The following SCN2A variants were observed in gnomAD, a reference collection of about 807,000 sequenced individuals.
SCN2A encodes sodium channel protein type 2 subunit alpha.
SCN2A carries 20 observed loss-of-function variants against 188.7 expected under a neutral mutation model. The observed-to-expected ratio is 0.11, with a 90% confidence interval of 0.07 to 0.15. SCN2A has a LOEUF of 0.15. SCN2A is among the 10% of genes least tolerant of loss of function. The pLI is 1.00. For missense variants in SCN2A, 1,278 were observed against 2,445.0 expected, an observed-to-expected ratio of 0.52 and a Z score of 10.07; for synonymous variants, 804 against 833.1, an observed-to-expected ratio of 0.97 and a Z score of 0.60.
chr2:165,342,319 A>G lies in SCN2A; in HGVS notation c.2412A>G (p.Ala804=). The change falls in exon 15 of 27, where the codon GCA becomes GCG. Residue 804 remains alanine, a synonymous_variant. Coordinates refer to ENST00000375437, the MANE Select transcript of SCN2A (RefSeq NM_001040142.2). The part of the protein sequence containing the change: ...GNLVFTGIFT[A]EMFLKIIAMD... ...AGGTCTTCACAGGGATCTTCACAGC[A>G]GAAATGTTTCTCAAGATAATTGCCA... is the stretch of plus-strand genomic sequence containing the variant. 1 of 1,613,988 alleles carries G rather than the reference A, an allele frequency of 6.2e-7. No homozygotes were observed. Among genetic ancestry groups the G allele is most frequent in the Non-Finnish European group, 8.5e-7 (1 of 1,179,920 alleles).
chr2:165,292,727 C>G (rs1696284453), intron 1 of SCN2A, among the ~76,000 whole-genome samples: 1 of 152,122 alleles, frequency 6.6e-6, no homozygotes, highest in Admixed American at 6.5e-5. Flanking sequence ...GAGTAATGAT[C>G]ACAGATTTTT....
chr2:165,295,060 G>T (rs1696433174), intron 1 of SCN2A, among the ~76,000 whole-genome samples: 1 of 152,128 alleles, frequency 6.6e-6, no homozygotes, highest in South Asian at 2.1e-4. Context: ...TAAGCCAGGG[G>T]GTCCGAGCTA....
At chr2:165,295,161 G>C (rs1002404265) in intron 1 of SCN2A, among the ~76,000 whole-genome samples, 1 of 152,084 alleles carries the variant, frequency 6.6e-6, no homozygotes, top group Non-Finnish European at 1.5e-5. Context: ...ACACAACCAG[G>C]CATCTTCTGC....
At chr2:165,357,804 G>A (rs979416821) in intron 17 of SCN2A, among the ~76,000 whole-genome samples, 1 of 152,090 alleles carries the variant, frequency 6.6e-6, no homozygotes, top group African/African-American at 2.4e-5. Flanking sequence ...CATCAAGAAT[G>A]CAGCTCTGGT....
chr2:165,387,111 A>T lies in SCN2A; in HGVS notation c.4822+95A>T, dbSNP rs898968461. ...TGTTTTTCACTAATCTTTCTCATTC[A>T]TCCCAAACTCCCAAATAAAAATCTA... On this transcript the variant is annotated intron_variant, in intron 26 of 26. Transcript: ENST00000375437. 6 of 1,256,128 alleles carry T rather than the reference A, an allele frequency of 4.8e-6. No homozygotes were observed. The African/African-American group carries it at 7.5e-5, about 16-fold the overall frequency. The allele number at this position is 1,256,128 out of a possible 1,614,324, so 77.8% of individuals were successfully genotyped here.
chr2:165,245,507 G>A (rs566395338), intron 1 of SCN2A: 1 of 152,280 alleles, frequency 6.6e-6, no homozygotes, highest in South Asian at 2.1e-4. Flanking sequence ...TTTCTTCACA[G>A]CAGCATGAGA....
At chr2:165,293,777 T>C (rs1423845291) in intron 1 of SCN2A, 3 of 926,632 alleles carry the variant, frequency 3.2e-6, no homozygotes, top group Non-Finnish European at 3.9e-6. Flanking sequence ...AAAGTTTTAA[T>C]GTTTCGTTCC....
Position 165,303,270 on chromosome 2 carries a change from G to GTTTTTT in SCN2A, c.387-4560_387-4555dup, listed in dbSNP as rs71028477. Among the ~76,000 whole-genome samples the GTTTTTT allele has an allele frequency of 5.8e-4, 53 of 91,308 alleles. 3 individuals are homozygous for GTTTTTT. Among genetic ancestry groups the GTTTTTT allele is most frequent in the East Asian group, 1.9e-3 (5 of 2,674 alleles). 59.9% of individuals were successfully genotyped at this position (91,308 alleles called of 152,430 possible). ...TTGTATTTGAGTTTTTGTTATTTGA[G>GTTTTTT]TTTTTTTTTTTTTTTTTTTTTTTGA... On this transcript the variant is annotated intron_variant, in intron 3 of 26. Coordinates refer to ENST00000375437, the MANE Select transcript of SCN2A (RefSeq NM_001040142.2).
At chr2:165,245,022 T>C (rs1693784488) in intron 1 of SCN2A, among the ~76,000 whole-genome samples, 2 of 152,310 alleles carry the variant, frequency 1.3e-5, no homozygotes, top group South Asian at 4.1e-4. Context: ...AGACTGACAC[T>C]ATCCCTCTTC....
chr2:165,332,880 T>C (rs13420783), intron 14 of SCN2A, among the ~76,000 whole-genome samples: 72 of 152,172 alleles, frequency 4.7e-4, no homozygotes, highest in African/African-American at 1.7e-3. Flanking sequence ...GCCAGCATCA[T>C]TGGGAATCAG....
intron 11 of SCN2A, among the ~76,000 whole-genome samples, chr2:165,321,825 A>G (rs1698092830): frequency 6.6e-6 from 1 of 152,208 alleles, no homozygotes; most frequent in Admixed American, 6.5e-5. Context: ...GACACAGCCA[A>G]ACCATATTAG....
intron 1 of SCN2A, among the ~76,000 whole-genome samples, chr2:165,262,615 C>T (rs1008824685): frequency 2.0e-5 from 3 of 151,690 alleles, no homozygotes; most frequent in Non-Finnish European, 2.9e-5. Flanking sequence ...TATGTATATA[C>T]ACATAGAATA....
At chr2:165,351,503 A>G (rs538609285) in intron 16 of SCN2A, among the ~76,000 whole-genome samples, 20 of 151,688 alleles carry the variant, frequency 1.3e-4, no homozygotes, top group Non-Finnish European at 2.2e-4. Context: ...AAGAGTAAAC[A>G]TGGAATACTG....
chr2:165,359,240 C>A (rs748236233), intron 17 of SCN2A, among the ~76,000 whole-genome samples: 1 of 151,956 alleles, frequency 6.6e-6, no homozygotes, highest in Non-Finnish European at 1.5e-5. Flanking sequence ...AACACAGATG[C>A]GCATATACAC....
chr2:165,344,060 C>G (rs911401678), intron 15 of SCN2A, among the ~76,000 whole-genome samples: 9 of 152,120 alleles, frequency 5.9e-5, no homozygotes, highest in African/African-American at 1.9e-4. Flanking sequence ...TCCTACTTCT[C>G]TGAAACTGGA....
rs1365839457 is a variant in SCN2A at position 165,354,664 on chromosome 2, G to A, written c.3392G>A (p.Ser1131Asn). The A allele has an allele frequency of 6.2e-7, 1 of 1,613,364 alleles. No homozygotes were observed. Residue 1131 changes from serine to asparagine, a missense_variant, in exon 17 of 27, where the codon AGC (serine) becomes AAC (asparagine). By Grantham distance (46) the Ser-to-Asn change is conservative (BLOSUM62 1). Around this residue, in one of 17 missense-constraint regions of SCN2A, gnomAD observed 228 missense variants for 297.3 expected, o/e 0.77. Transcript: ENST00000375437. ...AGCAGCGAGTCAGATATGGAGGAAA[G>A]CAAAGAGGTAAAAATGTTTAAATAA... ...EFSSESDMEE[S>N]KEKLNATSSS... is the part of the protein sequence containing the mutation.
intron 17 of SCN2A, among the ~76,000 whole-genome samples, chr2:165,362,263 T>C (rs532127511): frequency 7.9e-5 from 12 of 152,146 alleles, no homozygotes; most frequent in African/African-American, 2.6e-4. Context: ...AGGAAAAAGG[T>C]ATCTTAATTC....
chr2:165,306,478 A>C (rs1697137703), intron 3 of SCN2A, among the ~76,000 whole-genome samples: 1 of 151,468 alleles, frequency 6.6e-6, no homozygotes, highest in East Asian at 2.0e-4. Context: ...CAATAAAGAA[A>C]AATTGTGTTT....
chr2:165,254,831 T>A (rs1299238281), intron 1 of SCN2A, among the ~76,000 whole-genome samples: 1 of 151,912 alleles, frequency 6.6e-6, no homozygotes, highest in Admixed American at 6.5e-5. Context: ...ATTAACTTTA[T>A]GATTTTATGA....
Sources: allele counts gnomAD v4.1 joint callset (sites outside exome capture counted in the v4.1 genomes callset), GRCh38; gene constraint gnomAD v4.1.1; regional missense constraint gnomAD v4.1.1; transcripts MANE v1.5; gene names NCBI Gene and HGNC (gene_info 2026-07-23, HGNC 2026-07-21).